The following CARMIL1 variants were observed in gnomAD, a reference collection of about 807,000 sequenced individuals.
CARMIL1 encodes the protein F-actin-uncapping protein LRRC16A.
A neutral mutation model predicts 177.1 loss-of-function variants in CARMIL1; 90 were observed. That is an observed-to-expected ratio of 0.51 (90% CI 0.43 to 0.61). The LOEUF is 0.61. CARMIL1 is among the 20% of genes least tolerant of loss of function. The probability of loss-of-function intolerance (pLI) is 0.00; values close to 1 mark genes in which losing one functional copy is unlikely to be tolerated. For missense variants in CARMIL1, 1,380 were observed against 1,667.0 expected (o/e 0.83, Z 3.00); for synonymous variants, 577 against 606.2 (o/e 0.95, Z 0.71).
At chr6:25,500,117 TG>T in intron 16 of CARMIL1, 48 bp from the exon 17 acceptor site, 3 of 1,542,302 alleles carry the variant, frequency 1.9e-6, no homozygotes, top group Non-Finnish European at 2.7e-6. Flanking sequence ...TTTTTTCTTT[TG>T]GGCAGTGTGT....
chr6:25,586,041 C>T (rs1360556255), intron 31 of CARMIL1, among the ~76,000 whole-genome samples: 5 of 152,288 alleles, frequency 3.3e-5, no homozygotes, highest in Non-Finnish European at 7.3e-5. Context: ...CATCATGGCC[C>T]GCCCTCAATG....
chr6:25,372,729 C>T (rs547344909), intron 2 of CARMIL1, among the ~76,000 whole-genome samples: 1 of 152,214 alleles, frequency 6.6e-6, no homozygotes, highest in Non-Finnish European at 1.5e-5. Context: ...TTTGGATACC[C>T]TTTATTTTTC....
At chr6:25,308,129 C>T (rs1163936407) in intron 2 of CARMIL1, among the ~76,000 whole-genome samples, 7 of 152,114 alleles carry the variant, frequency 4.6e-5, no homozygotes, top group Non-Finnish European at 1.0e-4. Context: ...CAGTGCATTG[C>T]TTTTGTGTTT....
intron 2 of CARMIL1, among the ~76,000 whole-genome samples, chr6:25,365,903 A>G (rs1183205399): frequency 6.6e-6 from 1 of 152,192 alleles, no homozygotes; most frequent in Non-Finnish European, 1.5e-5. Context: ...TGTGGGATGT[A>G]GTATTTAAGA....
chr6:25,424,480 A>G (rs2039068), intron 3 of CARMIL1, among the ~76,000 whole-genome samples: 19,946 of 152,160 alleles, frequency 0.13, 1,702 homozygotes, highest in East Asian at 0.3. Context: ...CTGCATTTTC[A>G]TAGCTGTTAG....
At chr6:25,313,336 C>T (rs1038383741) in intron 2 of CARMIL1, among the ~76,000 whole-genome samples, 2 of 152,186 alleles carry the variant, frequency 1.3e-5, no homozygotes, top group Non-Finnish European at 2.9e-5. Flanking sequence ...GAACGGGTTT[C>T]TTCTTCAGAT....
intron 31 of CARMIL1, among the ~76,000 whole-genome samples, chr6:25,586,384 A>G (rs867279407): frequency 2.1e-5 from 3 of 144,976 alleles, no homozygotes; most frequent in African/African-American, 7.9e-5. Flanking sequence ...CACTCCCCAC[A>G]TCTCAGACAA....
chr6:25,456,761 C>A (rs540885929), intron 8 of CARMIL1, among the ~76,000 whole-genome samples: 4 of 152,196 alleles, frequency 2.6e-5, no homozygotes, highest in African/African-American at 7.2e-5. Context: ...GGAGCTAATC[C>A]CATCAATTCT....
At chr6:25,291,214 A>G (rs78768174) in intron 2 of CARMIL1, among the ~76,000 whole-genome samples, 3,608 of 152,340 alleles carry the variant, frequency 0.024, 60 homozygotes, top group Non-Finnish European at 0.038. Context: ...ACTTAAAAAA[A>G]TGTCGAAAGG....
In CARMIL1 at chr6:25,329,134, G is replaced by A. The variant is rs539624544; in HGVS notation, c.138+44225G>A. On this transcript the variant is annotated intron_variant, in intron 2 of 36. Coordinates refer to ENST00000329474, the MANE Select transcript of CARMIL1 (RefSeq NM_017640.6). ...GCCTGCTCTACTGTGCTTTAAATAC[G>A]CAGTATTTAAAAAATTGATGTTGGT... is the stretch of plus-strand genomic sequence containing the variant. Among the ~76,000 whole-genome samples, 13 of 152,224 alleles carry A rather than the reference G, an allele frequency of 8.5e-5. No individual in the cohort carries two copies. The East Asian group carries it at 2.1e-3, about 25-fold the overall frequency.
At chr6:25,356,957 C>T (rs538357454) in intron 2 of CARMIL1, among the ~76,000 whole-genome samples, 1 of 151,998 alleles carries the variant, frequency 6.6e-6, no homozygotes, top group African/African-American at 2.4e-5. Context: ...CTTTTCTTTA[C>T]TTCCAGCTCT....
intron 2 of CARMIL1, among the ~76,000 whole-genome samples, chr6:25,407,385 G>A (rs1337392634): frequency 7.6e-6 from 1 of 132,378 alleles, no homozygotes; most frequent in Admixed American, 7.4e-5. Context: ...GTAACCCAGA[G>A]CCCACACGAA....
At chr6:25,328,938 C>A (rs1040776986) in intron 2 of CARMIL1, among the ~76,000 whole-genome samples, 1 of 152,128 alleles carries the variant, frequency 6.6e-6, no homozygotes, top group African/African-American at 2.4e-5. Context: ...GACATCAAAT[C>A]TTGGGTTCTA....
chr6:25,517,139 A>T (rs1806081067), intron 21 of CARMIL1, among the ~76,000 whole-genome samples: 1 of 152,212 alleles, frequency 6.6e-6, no homozygotes, highest in Non-Finnish European at 1.5e-5. Context: ...TTTCCATACT[A>T]CTTGCGTGGT....
Position 25,449,882 on chromosome 6 carries a change from G to A in CARMIL1, c.372-16G>A. The stretch of plus-strand genomic sequence containing the variant: ...AGTGTGGTTTGTGAAATGTGTTGTT[G>A]TTGTTGATCTTACAGGAGAATCATG... On this transcript the variant is annotated splice_polypyrimidine_tract_variant and intron_variant, in intron 5 of 36. Transcript: ENST00000329474. 1 of 1,522,860 alleles carries A rather than the reference G, an allele frequency of 6.6e-7. No individual in the cohort carries two copies. Among genetic ancestry groups the A allele is most frequent in the Non-Finnish European group, 9.0e-7 (1 of 1,107,542 alleles). 94.3% of individuals were successfully genotyped at this position (1,522,860 alleles called of 1,614,324 possible).
Position 25,354,330 on chromosome 6 carries a change from A to ATT in CARMIL1, c.139-65756_139-65755dup, listed in dbSNP as rs67395838. Reference sequence around the variant, plus strand: ...CGTAGCACCACACTTGACTAATTAAATTTTTTTTTTTTTTTTTTTTTTTTT... The same window carrying ATT: ...CGTAGCACCACACTTGACTAATTAAATTTTTTTTTTTTTTTTTTTTTTTTTTT... On this transcript the variant is annotated intron_variant, in intron 2 of 36. Transcript: ENST00000329474. Among the ~76,000 whole-genome samples, 99 of 80,600 alleles carry ATT rather than the reference A, an allele frequency of 1.2e-3. 3 individuals are homozygous for ATT. The highest frequency in any genetic ancestry group is 1.9e-3 in the African/African-American group (39 of 20,844). 52.9% of individuals were successfully genotyped at this position (80,600 alleles called of 152,430 possible).
chr6:25,510,203 G>T (rs1805334737), intron 18 of CARMIL1, among the ~76,000 whole-genome samples: 2 of 152,176 alleles, frequency 1.3e-5, no homozygotes, highest in Admixed American at 1.3e-4. Flanking sequence ...CTCTCACAGA[G>T]TGGTGGGGAG....
intron 18 of CARMIL1, among the ~76,000 whole-genome samples, chr6:25,510,103 AT>A (rs1346017608): frequency 6.6e-6 from 1 of 152,142 alleles, no homozygotes; most frequent in Non-Finnish European, 1.5e-5. Context: ...ATTTCTGCTG[AT>A]TGTAGTATCA....
chr6:25,421,235 A>G (rs1795824607), intron 3 of CARMIL1, among the ~76,000 whole-genome samples: 6 of 152,266 alleles, frequency 3.9e-5, no homozygotes, highest in Admixed American at 3.9e-4. Flanking sequence ...ACACTTCTCA[A>G]AAGAAGACAT....
Sources: allele counts gnomAD v4.1 joint callset (sites outside exome capture counted in the v4.1 genomes callset), GRCh38; gene constraint gnomAD v4.1.1; transcripts MANE v1.5; gene names NCBI Gene and HGNC (gene_info 2026-07-23, HGNC 2026-07-21).